The following WDR82 variants were observed in gnomAD, a reference collection of about 807,000 sequenced individuals.
WDR82 encodes the protein WD repeat domain 82, also known as WD repeat-containing protein 82.
Under a neutral mutation model 36.1 loss-of-function variants are expected in WDR82, and 8 were observed. The observed-to-expected ratio is 0.22, with a 90% CI of 0.13 to 0.40. WDR82 has a LOEUF of 0.40. Ranked by LOEUF, WDR82 falls within the 10% of genes least tolerant of loss-of-function variation. The probability of loss-of-function intolerance (pLI) is 1.00; values close to 1 mark genes in which losing one functional copy is unlikely to be tolerated. For missense variants in WDR82, 185 were observed against 400.5 expected (o/e 0.46, Z 4.59); for synonymous variants, 129 against 137.8 (o/e 0.94, Z 0.45).
intron 2 of WDR82, chr3:52,268,008 C>G (rs893135931): frequency 9.4e-6 from 2 of 213,304 alleles, no homozygotes; most frequent in African/African-American, 4.5e-5. Flanking sequence ...CACAGGGGTG[C>G]TTTCTAATAA....
chr3:52,254,978 T>C lies in WDR82; in HGVS notation c.*2512A>G, dbSNP rs554585489. ...TTTTTTTGAGACGGAGTTTTGCTGT[T>C]GTTGCCCAGGCCGGAGTGCAATGGC... is the stretch of plus-strand genomic sequence containing the variant. On this transcript the variant is annotated 3_prime_UTR_variant, in exon 9 of 9. Transcript: ENST00000296490. The C allele has an allele frequency of 6.6e-6, 1 of 151,658 alleles. No individual in the cohort carries two copies. The highest frequency in any genetic ancestry group is 2.4e-5 in the African/African-American group (1 of 41,270). The allele number at this position is 151,658 out of a possible 1,614,324, so 9.4% of individuals were successfully genotyped here. A position where few individuals can be genotyped will look rare whatever the true frequency, so the allele number is the denominator to read the frequency against.
chr3:52,273,834 G>C (rs999896545), intron 1 of WDR82, among the ~76,000 whole-genome samples: 1 of 152,052 alleles, frequency 6.6e-6, no homozygotes, highest in Non-Finnish European at 1.5e-5. Context: ...CATTGTCCAG[G>C]CTGGTTTTGA....
At chr3:52,276,078 T>G (rs1365756357) in intron 1 of WDR82, among the ~76,000 whole-genome samples, 1 of 152,236 alleles carries the variant, frequency 6.6e-6, no homozygotes, top group Non-Finnish European at 1.5e-5. Context: ...TTTCTAATTA[T>G]GTAAAAATGC....
At position 52,266,934 on chromosome 3, in the gene WDR82, A is replaced by G. The variant is rs117008057; in HGVS notation, c.326+18T>C. ...AGGGATAAAAGAACTATCTGCTTCTATAATACGTGGGTCTTACCTTTTGCT... is the reference window on the plus strand; with the variant it reads ...AGGGATAAAAGAACTATCTGCTTCTGTAATACGTGGGTCTTACCTTTTGCT... On this transcript the variant is annotated intron_variant, in intron 3 of 8. Coordinates refer to ENST00000296490, the MANE Select transcript of WDR82 (RefSeq NM_025222.4). 124 of 1,601,398 alleles carry G rather than the reference A, an allele frequency of 7.7e-5. No individual in the cohort carries two copies. The East Asian group carries it at 2.6e-3, about 33-fold the overall frequency.
intron 3 of WDR82, among the ~76,000 whole-genome samples, chr3:52,266,204 T>C (rs552663547): frequency 1.2e-4 from 18 of 152,194 alleles, no homozygotes; most frequent in African/African-American, 4.3e-4. Flanking sequence ...CATTTTTACA[T>C]AGGGGCCCAC....
In WDR82 at chr3:52,278,483, C is replaced by T. The variant is rs1700228551; in HGVS notation, c.-122G>A. On this transcript the variant is annotated 5_prime_UTR_variant, in exon 1 of 9. Coordinates refer to ENST00000296490, the MANE Select transcript of WDR82 (RefSeq NM_025222.4). ...GCCGCGCCGGCGGCTAGCGGGAAGT[C>T]GGCCAACAGTTGGGCCGCCTCCTCC... 1 of 914,732 alleles carries T rather than the reference C, an allele frequency of 1.1e-6. No homozygotes were observed. The highest frequency in any genetic ancestry group is 1.7e-5 in the African/African-American group (1 of 57,182). The allele number at this position is 914,732 out of a possible 1,614,324, so 56.7% of individuals were successfully genotyped here. A position where few individuals can be genotyped will look rare whatever the true frequency, so the allele number is the denominator to read the frequency against.
chr3:52,266,015 G>A (rs985551121), intron 3 of WDR82, among the ~76,000 whole-genome samples: 9 of 152,026 alleles, frequency 5.9e-5, no homozygotes, highest in African/African-American at 2.2e-4. Flanking sequence ...TATTATCCAG[G>A]GGAAAACGTG....
intron 7 of WDR82, 75 bp from the exon 8 acceptor site, chr3:52,258,753 G>T: frequency 6.3e-7 from 1 of 1,597,274 alleles, no homozygotes; most frequent in South Asian, 1.1e-5. Context: ...GACATGGATT[G>T]AGATCTGAGG....
At chr3:52,263,158 G>A (rs1382937116) in intron 3 of WDR82, among the ~76,000 whole-genome samples, 3 of 152,120 alleles carry the variant, frequency 2.0e-5, no homozygotes, top group Admixed American at 1.3e-4. Context: ...AGCAGAACAC[G>A]TTGTGGACAT....
chr3:52,260,717 C>T (rs1359164960), intron 4 of WDR82, among the ~76,000 whole-genome samples: 5 of 152,192 alleles, frequency 3.3e-5, no homozygotes, highest in Admixed American at 1.3e-4. Flanking sequence ...TAAAATGAAG[C>T]TTTTAAAAAA....
At chr3:52,274,810 G>C (rs943465954) in intron 1 of WDR82, among the ~76,000 whole-genome samples, 1 of 152,154 alleles carries the variant, frequency 6.6e-6, no homozygotes, top group Non-Finnish European at 1.5e-5. Context: ...GCTGAGGCAC[G>C]AGAATCGCTT....
chr3:52,274,452 C>G (rs1331134439), intron 1 of WDR82, among the ~76,000 whole-genome samples: 1 of 152,120 alleles, frequency 6.6e-6, no homozygotes, highest in East Asian at 1.9e-4. Flanking sequence ...GTAGGCCCAA[C>G]TACTTTGGAG....
At position 52,257,264 on chromosome 3, in the gene WDR82, A is replaced by G; in HGVS notation, c.*226T>C. The G allele has an allele frequency of 1.7e-6, 1 of 603,870 alleles. No individual in the cohort carries two copies. The highest frequency in any genetic ancestry group is 2.9e-6 in the Non-Finnish European group (1 of 345,702). The allele number at this position is 603,870 out of a possible 1,614,324, so 37.4% of individuals were successfully genotyped here. On this transcript the variant is annotated 3_prime_UTR_variant, in exon 9 of 9. Coordinates refer to ENST00000296490, the MANE Select transcript of WDR82 (RefSeq NM_025222.4). The stretch of plus-strand genomic sequence containing the variant: ...GAGCTTGGTGCAGTGACAGTTAGAA[A>G]AGCTGAGTTCCAATTGAGTCTGTTG...
At chr3:52,278,069 G>C in intron 1 of WDR82, 132 bp downstream of exon 1, 1 of 909,856 alleles carries the variant, frequency 1.1e-6, no homozygotes, top group East Asian at 3.2e-5. Context: ...GCGGGGTGGA[G>C]GCGGCCCTGG....
chr3:52,256,355 A>G lies in WDR82; in HGVS notation c.*1135T>C, dbSNP rs1700008708. On this transcript the variant is annotated 3_prime_UTR_variant, in exon 9 of 9. Coordinates refer to ENST00000296490, the MANE Select transcript of WDR82 (RefSeq NM_025222.4). Reference sequence around the variant, plus strand: ...ACAGATGAGAGATATATGCATACGCACACACATATATGCGTATCTGTATGC... The same window carrying G: ...ACAGATGAGAGATATATGCATACGCGCACACATATATGCGTATCTGTATGC... 6.5e-6 allele frequency: 1 copy of G among 153,806 alleles called. No homozygotes were observed. Among genetic ancestry groups the G allele is most frequent in the African/African-American group, 2.4e-5 (1 of 41,468 alleles). 9.5% of individuals were successfully genotyped at this position (153,806 alleles called of 1,614,324 possible).
intron 2 of WDR82, chr3:52,268,318 T>G (rs764998060): frequency 4.2e-6 from 2 of 472,138 alleles, no homozygotes; most frequent in East Asian, 1.4e-4. Context: ...CTGTACCGGG[T>G]GGTATCATAG....
At chr3:52,260,592 A>C in intron 4 of WDR82, 91 bp from the exon 5 acceptor site, 1 of 825,252 alleles carries the variant, frequency 1.2e-6, no homozygotes, top group Non-Finnish European at 1.8e-6. Flanking sequence ...TGGGGAAAAA[A>C]AAATGAATCC....
chr3:52,266,812 CTATT>C (rs1700110495), intron 3 of WDR82, 136 bp downstream of exon 3: 1 of 688,054 alleles, frequency 1.5e-6, no homozygotes, highest in Non-Finnish European at 2.5e-6. Context: ...CAAGAGTTGA[CTATT>C]TAAGAGAAGA....
chr3:52,275,995 T>C (rs1422769441), intron 1 of WDR82, among the ~76,000 whole-genome samples: 1 of 152,218 alleles, frequency 6.6e-6, no homozygotes, highest in Non-Finnish European at 1.5e-5. Context: ...CCTACAGTCA[T>C]GAAGCAAATG....
Sources: allele counts gnomAD v4.1 joint callset (sites outside exome capture counted in the v4.1 genomes callset), GRCh38; gene constraint gnomAD v4.1.1; transcripts MANE v1.5; gene names NCBI Gene and HGNC (gene_info 2026-07-23, HGNC 2026-07-21).